The following STAG2 variants were observed in gnomAD, a reference collection of about 807,000 sequenced individuals.
STAG2 encodes STAG2 cohesin complex component, also known as cohesin subunit SA-2.
Under a neutral mutation model 108.1 loss-of-function variants are expected in STAG2, and 14 were observed. The observed-to-expected ratio is 0.13, with a 90% CI of 0.09 to 0.20. The LOEUF is 0.20. STAG2 is among the 10% of genes least tolerant of loss of function. The pLI is 1.00. For missense variants in STAG2, 440 were observed against 940.9 expected (o/e 0.47, Z 6.96); for synonymous variants, 307 against 302.7 (o/e 1.01, Z -0.15).
At chrX:124,029,662 G>C (rs1188241946) in intron 4 of STAG2, among the ~76,000 whole-genome samples, 2 of 112,373 alleles carry the variant, frequency 1.8e-5, no homozygotes, top group African/African-American at 3.2e-5. Flanking sequence ...TACAGAGACT[G>C]TATGTGGCCC....
At chrX:123,986,129 ATATG>A (rs930255923) in intron 1 of STAG2, among the ~76,000 whole-genome samples, 47 of 106,116 alleles carry the variant, frequency 4.4e-4, no homozygotes, top group Non-Finnish European at 6.9e-4. Flanking sequence ...ATATATACAT[ATATG>A]TATCATATAT....
intron 1 of STAG2, among the ~76,000 whole-genome samples, chrX:124,014,367 A>ATT (rs1184377809): frequency 1.9e-5 from 2 of 105,671 alleles, no homozygotes; most frequent in African/African-American, 6.8e-5. Flanking sequence ...TATGTATAAA[A>ATT]TTTTTTTTTT....
chrX:124,068,722 A>C (rs909471122), intron 24 of STAG2, 66 bp downstream of exon 24: 15 of 777,173 alleles, frequency 1.9e-5, no homozygotes, highest in Non-Finnish European at 2.6e-5. Context: ...ACTAATGTAG[A>C]AAGTTTAAAT....
At chrX:124,069,338 A>G (rs909106119) in intron 24 of STAG2, among the ~76,000 whole-genome samples, 2 of 112,104 alleles carry the variant, frequency 1.8e-5, no homozygotes, top group African/African-American at 6.5e-5. Flanking sequence ...TTAATATGGT[A>G]TAGTCAAAAT....
At chrX:124,051,820 G>C (rs2058052399) in intron 13 of STAG2, among the ~76,000 whole-genome samples, 2 of 111,474 alleles carry the variant, frequency 1.8e-5, no homozygotes, top group Non-Finnish European at 3.8e-5. Context: ...TCGATCTCCT[G>C]ACCTCGTGAT....
intron 1 of STAG2, among the ~76,000 whole-genome samples, chrX:123,992,779 A>C (rs1375301496): frequency 9.0e-6 from 1 of 110,944 alleles, no homozygotes; most frequent in Non-Finnish European, 1.9e-5. Context: ...AGCTCAAGAG[A>C]TCTGCCCGCC....
rs1239113258 is a variant in STAG2 at position 124,066,246 on chromosome X, G to A, written c.2168G>A (p.Gly723Glu). Reference protein sequence around the residue: ...YKLLKTGIENGDMPEQIVIHA... With the variant: ...YKLLKTGIENEDMPEQIVIHA... ...CTCTTGAAAACTGGAATCGAAAATG[G>A]AGACATGCCTGAGCAGGTTTTTATT... Residue 723 changes from glycine (G) to glutamate (E), a missense_variant, in exon 22 of 35, where the codon GGA (glycine) becomes GAA (glutamate). Coordinates refer to ENST00000371145, the MANE Select transcript of STAG2 (RefSeq NM_001042750.2). 1 of 1,194,749 alleles carries A rather than the reference G, an allele frequency of 8.4e-7. No individual in the cohort carries two copies. The highest frequency in any genetic ancestry group is 1.1e-6 in the Non-Finnish European group (1 of 889,379).
At chrX:124,071,411 A>T (rs1275045569) in intron 25 of STAG2, 88 bp downstream of exon 25, 3 of 751,887 alleles carry the variant, frequency 4.0e-6, no homozygotes, top group Non-Finnish European at 3.7e-6. Flanking sequence ...GCACTAAAAT[A>T]TATTTTATCC....
In STAG2 at chrX:124,057,887, A is replaced by G; in HGVS notation, c.1326A>G (p.Pro442=). Residue 442 remains proline (P), a synonymous_variant, in exon 15 of 35, where the codon CCA becomes CCG. Transcript: ENST00000371145. ...LYKKLFSRRD[P]EEDGMMKRRG... The stretch of plus-strand genomic sequence containing the variant: ...ACAGGCTCTTCAGTCGTAGAGATCC[A>G]GAGGAGGATGGAATGATGAAAAGAA... The G allele has an allele frequency of 8.5e-7, 1 of 1,182,642 alleles. No individual in the cohort carries two copies. Among genetic ancestry groups the G allele is most frequent in the African/African-American group, 1.8e-5 (1 of 56,289 alleles).
At chrX:123,969,758 G>A (rs2054264207) in intron 1 of STAG2, among the ~76,000 whole-genome samples, 1 of 108,663 alleles carries the variant, frequency 9.2e-6, no homozygotes, top group Admixed American at 9.9e-5. Flanking sequence ...CGATTTCCTC[G>A]CCTCAGCCTC....
At chrX:124,091,551 A>C (rs751221204) in intron 32 of STAG2, among the ~76,000 whole-genome samples, 60 of 112,707 alleles carry the variant, frequency 5.3e-4, no homozygotes, top group African/African-American at 1.2e-3. Context: ...ACGTTTTAGT[A>C]TCATTTCCTA....
intron 1 of STAG2, among the ~76,000 whole-genome samples, chrX:123,975,471 C>CT (rs936873365): frequency 5.4e-5 from 6 of 111,395 alleles, no homozygotes; most frequent in Non-Finnish European, 7.6e-5. Context: ...AGTATACGTA[C>CT]TTTTTTTTGA....
chrX:124,053,335 T>C (rs1318983142), intron 13 of STAG2, among the ~76,000 whole-genome samples: 2 of 111,692 alleles, frequency 1.8e-5, no homozygotes, highest in Non-Finnish European at 3.8e-5. Flanking sequence ...AAAATGCAAC[T>C]AAGGGACATA....
chrX:124,034,247 G>A (rs1489414198), intron 5 of STAG2, among the ~76,000 whole-genome samples: 1 of 111,196 alleles, frequency 9.0e-6, no homozygotes, highest in Non-Finnish European at 1.9e-5. Context: ...GCTCAGGCTG[G>A]ACTTGAACTC....
chrX:124,087,011 T>C (rs982857814), intron 30 of STAG2, among the ~76,000 whole-genome samples: 5 of 112,479 alleles, frequency 4.4e-5, no homozygotes, highest in African/African-American at 1.6e-4. Flanking sequence ...AGTAACATAC[T>C]CATGTCACAG....
At chrX:124,039,364 G>A (rs1281914999) in intron 6 of STAG2, among the ~76,000 whole-genome samples, 1 of 109,174 alleles carries the variant, frequency 9.2e-6, no homozygotes, top group Non-Finnish European at 1.9e-5. Flanking sequence ...ATGGGGTTTT[G>A]CCATGTTGCC....
At chrX:123,968,588 C>G (rs1420832177) in intron 1 of STAG2, among the ~76,000 whole-genome samples, 1 of 111,603 alleles carries the variant, frequency 9.0e-6, no homozygotes, top group Non-Finnish European at 1.9e-5. Context: ...TGAGCCCCAG[C>G]AGGTTGAGCC....
At chrX:123,998,214 G>C (rs1469630707) in intron 1 of STAG2, among the ~76,000 whole-genome samples, 1 of 103,252 alleles carries the variant, frequency 9.7e-6, no homozygotes, top group African/African-American at 3.6e-5. Flanking sequence ...TGTCACCCAG[G>C]CTGGAGTGTG....
intron 1 of STAG2, among the ~76,000 whole-genome samples, chrX:123,982,055 A>G (rs1050179191): frequency 8.1e-5 from 9 of 110,493 alleles, no homozygotes; most frequent in East Asian, 5.7e-4. Context: ...TAAAAATGCA[A>G]TGCCGCTGGG....
Sources: allele counts gnomAD v4.1 joint callset (sites outside exome capture counted in the v4.1 genomes callset), GRCh38; gene constraint gnomAD v4.1.1; transcripts MANE v1.5; gene names NCBI Gene and HGNC (gene_info 2026-07-23, HGNC 2026-07-21).